FAAH2: variants seen among roughly 807,000 people sequenced by gnomAD.
FAAH2 encodes the protein fatty-acid amide hydrolase 2.
Under a neutral mutation model 36.9 loss-of-function variants are expected in FAAH2, and 60 were observed. That is an observed-to-expected ratio of 1.63 (90% CI 1.32 to 2.02). FAAH2 has a LOEUF of 2.02. FAAH2 is among the 30% of genes most tolerant of loss of function. The pLI is 0.00. For missense variants in FAAH2, 689 were observed against 397.5 expected (o/e 1.73, Z -6.23); for synonymous variants, 214 against 143.8 (o/e 1.49, Z -3.49).
At position 57,426,277 on chromosome X, in the gene FAAH2, G is replaced by T. The variant is rs185231573; in HGVS notation, c.997-5641G>T. On this transcript the variant is annotated intron_variant, in intron 7 of 10. Transcript: ENST00000374900. ...CAGAATCATAAAACAAATATTACTA[G>T]AACTAAGGAAAGATATAGCAATACA... Among the ~76,000 whole-genome samples, 527 of 111,581 alleles carry T rather than the reference G, an allele frequency of 4.7e-3. 1 individual carries two copies. The highest frequency in any genetic ancestry group is 7.8e-3 in the Non-Finnish European group (414 of 52,883).
the FAAH2 span, among the ~76,000 whole-genome samples, chrX:57,201,547 C>T: frequency 9.0e-6 from 1 of 111,630 alleles, no homozygotes; most frequent in Non-Finnish European, 1.9e-5. Context: ...CCTTTAGGAA[C>T]TTGATTATTA....
chrX:57,208,357 C>T, the FAAH2 span, among the ~76,000 whole-genome samples: 710 of 112,217 alleles, frequency 6.3e-3, 5 homozygotes, highest in African/African-American at 0.022. Flanking sequence ...TGAAAAGGTT[C>T]CAAGGTGGAA....
chrX:57,240,198 GC>G, the FAAH2 span, among the ~76,000 whole-genome samples: 1 of 111,615 alleles, frequency 9.0e-6, no homozygotes, highest in South Asian at 3.8e-4. Flanking sequence ...TTTGTATGGT[GC>G]TTTTTGCTTG....
chrX:57,458,140 C>G (rs764600726), intron 10 of FAAH2, among the ~76,000 whole-genome samples: 38 of 111,221 alleles, frequency 3.4e-4, no homozygotes, highest in Non-Finnish European at 6.2e-4. Flanking sequence ...AGAAATAAAC[C>G]TGCCACCTAC....
intron 7 of FAAH2, among the ~76,000 whole-genome samples, chrX:57,418,642 G>A (rs1296156108): frequency 9.0e-6 from 1 of 110,504 alleles, no homozygotes; most frequent in African/African-American, 3.3e-5. Context: ...CGTTGATCTG[G>A]CTGGGAGCTG....
At chrX:57,394,092 A>T (rs185461351) in intron 7 of FAAH2, 31 of 725,386 alleles carry the variant, frequency 4.3e-5, no homozygotes, top group Admixed American at 2.2e-5. Context: ...AGGTTATTAG[A>T]TACAGTGATG....
chrX:57,204,550 C>A, the FAAH2 span, among the ~76,000 whole-genome samples: 2 of 111,826 alleles, frequency 1.8e-5, no homozygotes, highest in Non-Finnish European at 3.8e-5. Context: ...TGATGGTATC[C>A]AAATCAGCTG....
the FAAH2 span, among the ~76,000 whole-genome samples, chrX:57,193,586 C>T: frequency 9.0e-6 from 1 of 111,446 alleles, no homozygotes; most frequent in Non-Finnish European, 1.9e-5. Flanking sequence ...ACGGAACCTA[C>T]CGACATATTA....
At chrX:57,435,009 T>A (rs1301451629) in intron 8 of FAAH2, among the ~76,000 whole-genome samples, 1 of 111,553 alleles carries the variant, frequency 9.0e-6, no homozygotes, top group Non-Finnish European at 1.9e-5. Flanking sequence ...TAAAAATGTT[T>A]ATATCCAGCA....
At chrX:57,223,795 G>A in the FAAH2 span, among the ~76,000 whole-genome samples, 1 of 111,804 alleles carries the variant, frequency 8.9e-6, no homozygotes, top group Non-Finnish European at 1.9e-5. Flanking sequence ...ATAATTCTCC[G>A]TTTTGGACTT....
the FAAH2 span, among the ~76,000 whole-genome samples, chrX:57,214,318 G>A: frequency 0.019 from 2,106 of 112,063 alleles, 23 homozygotes; most frequent in African/African-American, 0.053. Context: ...GATATGTGTG[G>A]TTTTGTTCCA....
rs201133898 is a variant in FAAH2, at chrX:57,286,965, C to G, written c.140C>G (p.Pro47Arg). 1.0e-5 allele frequency: 12 copies of G among 1,199,068 alleles called. No individual in the cohort carries two copies. The African/African-American group carries it at 1.1e-4, about 11-fold the overall frequency. ...AAGACCCCTCGGCCGGTGACTGAAC[C>G]ATTGCTTCTGCTTTCGGGGATGCAG... is the stretch of plus-strand genomic sequence containing the variant. ...ASKTPRPVTE[P>R]LLLLSGMQLA... The change falls in exon 1 of 11, where the codon CCA becomes CGA. Residue 47 changes from proline to arginine, a missense_variant. Pro to Arg is a moderately radical substitution (Grantham distance 103). Transcript: ENST00000374900.
At chrX:57,240,439 T>A in the FAAH2 span, among the ~76,000 whole-genome samples, 1 of 111,636 alleles carries the variant, frequency 9.0e-6, no homozygotes, top group Non-Finnish European at 1.9e-5. Flanking sequence ...GCAACAATAC[T>A]CCAATGGGAG....
At chrX:57,447,092 A>G (rs2056690706) in intron 9 of FAAH2, 53 bp downstream of exon 9, 5 of 912,889 alleles carry the variant, frequency 5.5e-6, no homozygotes, top group Non-Finnish European at 4.5e-6. Context: ...AATATTTCTT[A>G]ATATCTAAAT....
chrX:57,400,155 T>C (rs1176713518), intron 7 of FAAH2, among the ~76,000 whole-genome samples: 1 of 112,258 alleles, frequency 8.9e-6, no homozygotes. Flanking sequence ...CTTCAAGTAA[T>C]AAAGCCTGAT....
intron 7 of FAAH2, among the ~76,000 whole-genome samples, chrX:57,429,946 C>T (rs2056255488): frequency 9.0e-6 from 1 of 110,569 alleles, no homozygotes; most frequent in South Asian, 3.8e-4. Flanking sequence ...AAGGCAAATA[C>T]CACATATTTT....
intron 10 of FAAH2, among the ~76,000 whole-genome samples, chrX:57,455,273 G>GA (rs1277416865): frequency 9.0e-6 from 1 of 111,108 alleles, no homozygotes; most frequent in East Asian, 2.8e-4. Context: ...ATTATTACCA[G>GA]ACCACCCTTA....
the FAAH2 span, among the ~76,000 whole-genome samples, chrX:57,212,995 T>A: frequency 1.8e-5 from 2 of 111,583 alleles, no homozygotes; most frequent in African/African-American, 3.3e-5. Flanking sequence ...GGGTTGTTTT[T>A]ATTACTAATT....
intron 7 of FAAH2, chrX:57,395,307 G>T (rs2147281601): frequency 1.5e-6 from 1 of 646,717 alleles, no homozygotes; most frequent in South Asian, 2.1e-5. Context: ...CAGGCCTGGT[G>T]TGAAACCAGG....
Sources: allele counts gnomAD v4.1 joint callset (sites outside exome capture counted in the v4.1 genomes callset), GRCh38; gene constraint gnomAD v4.1.1; transcripts MANE v1.5; gene names NCBI Gene and HGNC (gene_info 2026-07-23, HGNC 2026-07-21).